The following GALNT13 variants were observed in gnomAD, a reference collection of about 807,000 sequenced individuals.
The protein encoded by GALNT13 is polypeptide N-acetylgalactosaminyltransferase 13, also known as UDP-GalNAc:polypeptide N-acetylgalactosaminyltransferase 13.
GALNT13 carries 28 observed loss-of-function variants against 64.2 expected under a neutral mutation model. The ratio of observed to expected loss-of-function variants is 0.44; its 90% confidence interval spans 0.32 to 0.60. GALNT13 has a LOEUF of 0.60. Ranked by LOEUF, GALNT13 falls within the 20% of genes least tolerant of loss-of-function variation. The pLI is 0.05. For synonymous variants in GALNT13, 214 were observed against 224.6 expected, an observed-to-expected ratio of 0.95 and a Z score of 0.42; for missense variants, 577 against 669.8, an observed-to-expected ratio of 0.86 and a Z score of 1.53.
the GALNT13 span, among the ~76,000 whole-genome samples, chr2:153,301,587 T>C: frequency 9.9e-5 from 15 of 152,130 alleles, no homozygotes; most frequent in Non-Finnish European, 2.2e-4. Context: ...AAGAATACGA[T>C]ATGTACATTG....
At chr2:153,334,798 T>C in the GALNT13 span, among the ~76,000 whole-genome samples, 1 of 152,210 alleles carries the variant, frequency 6.6e-6, no homozygotes, top group Non-Finnish European at 1.5e-5. Context: ...AAATACAGTG[T>C]TCATTTCTCA....
At chr2:154,246,256 A>G (rs1054532388) in intron 7 of GALNT13, among the ~76,000 whole-genome samples, 1 of 152,124 alleles carries the variant, frequency 6.6e-6, no homozygotes, top group Non-Finnish European at 1.5e-5. Flanking sequence ...TGAATTTTCT[A>G]TGTGACAGAA....
rs1701911343 is a variant in GALNT13, at chr2:154,452,553, G to A, written c.*2002G>A. ...CAAAATGCATGTTATGTAGAAAATGGTCAATGGCAAATTTTTATAAATACA... is the reference window on the plus strand; with the variant it reads ...CAAAATGCATGTTATGTAGAAAATGATCAATGGCAAATTTTTATAAATACA... On this transcript the variant is annotated 3_prime_UTR_variant, in exon 13 of 13. Coordinates refer to ENST00000392825, the MANE Select transcript of GALNT13 (RefSeq NM_052917.4). 1 of 152,058 alleles carries A rather than the reference G, an allele frequency of 6.6e-6. No individual in the cohort carries two copies. Among genetic ancestry groups the A allele is most frequent in the Non-Finnish European group, 1.5e-5 (1 of 68,002 alleles). The allele number at this position is 152,058 out of a possible 1,614,324, so 9.4% of individuals were successfully genotyped here.
At chr2:154,117,617 G>A (rs999248693) in intron 3 of GALNT13, among the ~76,000 whole-genome samples, 8 of 152,126 alleles carry the variant, frequency 5.3e-5, no homozygotes, top group African/African-American at 1.4e-4. Flanking sequence ...TTATGACTGA[G>A]TAGTATTCCA....
the GALNT13 span, among the ~76,000 whole-genome samples, chr2:153,148,228 T>C: frequency 6.6e-6 from 1 of 151,912 alleles, no homozygotes; most frequent in Non-Finnish European, 1.5e-5. Context: ...TGTTGAATGC[T>C]TCTTTGCAAT....
chr2:153,868,367 A>G (rs1442672752), upstream of GALNT13, among the ~76,000 whole-genome samples: 2 of 152,166 alleles, frequency 1.3e-5, no homozygotes, highest in African/African-American at 4.8e-5. Context: ...CATGTTAGAG[A>G]TTTTAGACAA....
intron 7 of GALNT13, among the ~76,000 whole-genome samples, chr2:154,255,676 G>A (rs1690332303): frequency 6.6e-6 from 1 of 151,984 alleles, no homozygotes; most frequent in Non-Finnish European, 1.5e-5. Context: ...GAGATTGAAG[G>A]AGTTTAGATT....
chr2:153,735,935 G>C, the GALNT13 span, among the ~76,000 whole-genome samples: 1 of 152,174 alleles, frequency 6.6e-6, no homozygotes, highest in Non-Finnish European at 1.5e-5. Context: ...TAGTTACCAA[G>C]TTTATCGTCT....
chr2:153,817,078 G>A, the GALNT13 span, among the ~76,000 whole-genome samples: 1 of 152,186 alleles, frequency 6.6e-6, no homozygotes, highest in Admixed American at 6.5e-5. Flanking sequence ...GAGCAACAGT[G>A]CATCATATAA....
In GALNT13 at chr2:154,104,709, C is replaced by T. The variant is rs541713245; in HGVS notation, c.143-35628C>T. 3.9e-5 allele frequency among the ~76,000 whole-genome samples: 6 copies of T among 152,354 alleles called. No individual in the cohort carries two copies. In the East Asian group the frequency reaches 9.7e-4, roughly 25 times the overall value. ...ATACACTAGATCTCCAGGTATCCCACAGCTCTCCGGGACCTACTAGTCCCT... is the reference window on the plus strand; with the variant it reads ...ATACACTAGATCTCCAGGTATCCCATAGCTCTCCGGGACCTACTAGTCCCT... On this transcript the variant is annotated intron_variant, in intron 3 of 12. Coordinates refer to ENST00000392825, the MANE Select transcript of GALNT13 (RefSeq NM_052917.4).
chr2:154,076,477 T>C (rs1161393515), intron 3 of GALNT13, among the ~76,000 whole-genome samples: 1 of 151,668 alleles, frequency 6.6e-6, no homozygotes, highest in Non-Finnish European at 1.5e-5. Context: ...AACTTACCCA[T>C]ACTGAGAGAT....
the GALNT13 span, among the ~76,000 whole-genome samples, chr2:153,189,287 G>A: frequency 6.6e-6 from 1 of 152,008 alleles, no homozygotes; most frequent in African/African-American, 2.4e-5. Flanking sequence ...CATGAGATCA[G>A]CATTTTTTTA....
chr2:154,153,046 C>T (rs1255814450), intron 4 of GALNT13, among the ~76,000 whole-genome samples: 6 of 152,108 alleles, frequency 3.9e-5, no homozygotes, highest in Non-Finnish European at 7.3e-5. Flanking sequence ...TCTGTTTTTT[C>T]CCCATCTTTG....
At chr2:153,644,188 G>C in the GALNT13 span, among the ~76,000 whole-genome samples, 42 of 152,064 alleles carry the variant, frequency 2.8e-4, no homozygotes, top group Non-Finnish European at 4.6e-4. Flanking sequence ...AAATAAAAAT[G>C]CTGGCTATAA....
chr2:153,193,974 G>A, the GALNT13 span, among the ~76,000 whole-genome samples: 1 of 152,080 alleles, frequency 6.6e-6, no homozygotes, highest in Non-Finnish European at 1.5e-5. Flanking sequence ...TGCTAGTCTG[G>A]CGGGTTCCCT....
the GALNT13 span, among the ~76,000 whole-genome samples, chr2:153,679,847 G>C: frequency 7.9e-5 from 12 of 151,794 alleles, no homozygotes; most frequent in Non-Finnish European, 1.8e-4. Context: ...CCTCTCTCCA[G>C]AGGCCATCCT....
intron 3 of GALNT13, among the ~76,000 whole-genome samples, chr2:154,089,361 G>A (rs1701687511): frequency 6.6e-6 from 1 of 151,988 alleles, no homozygotes; most frequent in East Asian, 1.9e-4. Flanking sequence ...TCCTCTTATA[G>A]CATGAAACTT....
At chr2:154,311,097 G>A (rs1010672384) in intron 9 of GALNT13, among the ~76,000 whole-genome samples, 1 of 151,840 alleles carries the variant, frequency 6.6e-6, no homozygotes, top group Non-Finnish European at 1.5e-5. Context: ...ACTTCTTGAA[G>A]TACTTTTTTA....
the GALNT13 span, among the ~76,000 whole-genome samples, chr2:153,181,216 GTCTCAA>G: frequency 6.8e-6 from 1 of 146,426 alleles, no homozygotes; most frequent in South Asian, 2.1e-4. Context: ...ATTTTCATTT[GTCTCAA>G]GATATTTTTA....
Sources: allele counts gnomAD v4.1 joint callset (sites outside exome capture counted in the v4.1 genomes callset), GRCh38; gene constraint gnomAD v4.1.1; transcripts MANE v1.5; gene names NCBI Gene and HGNC (gene_info 2026-07-23, HGNC 2026-07-21).